The following SI variants were observed in gnomAD, a reference collection of about 807,000 sequenced individuals.
SI encodes the protein sucrase-isomaltase, intestinal.
In SI, 235 loss-of-function variants were observed where a neutral mutation model predicts 253.3. That is an observed-to-expected ratio of 0.93 (90% CI 0.83 to 1.03). SI has a LOEUF of 1.03. Ranked by LOEUF, SI falls within the 50% of genes least tolerant of loss-of-function variation. The pLI, the probability that SI is intolerant of heterozygous loss-of-function variation, is 0.00. For missense variants in SI, 2,442 were observed against 2,211.1 expected (o/e 1.10, Z -2.09); for synonymous variants, 819 against 712.0 (o/e 1.15, Z -2.39).
chr3:164,996,578 G>A lies in SI; in HGVS notation c.4649C>T (p.Ala1550Val), dbSNP rs1559981755. ...GTGATTCCTTGAGTATGGATAAAATGCTCCAAGTTGCATCCAGCGGGTACA... is the reference window on the plus strand; with the variant it reads ...GTGATTCCTTGAGTATGGATAAAATACTCCAAGTTGCATCCAGCGGGTACA... ...HLCTRWMQLG[A>V]FYPYSRNHNI... Residue 1550 changes from alanine to valine, a missense_variant, in exon 40 of 48, where the codon GCA becomes GTA. Coordinates refer to ENST00000264382, the MANE Select transcript of SI (RefSeq NM_001041.4). 6.2e-7 allele frequency: 1 copy of A among 1,607,566 alleles called. No homozygotes were observed. Among genetic ancestry groups the A allele is most frequent in the Non-Finnish European group, 8.5e-7 (1 of 1,174,756 alleles).
intron 17 of SI, 62 bp downstream of exon 17, chr3:165,042,997 G>A: frequency 1.0e-6 from 1 of 960,436 alleles, no homozygotes; most frequent in Non-Finnish European, 1.7e-6. Context: ...TTTAATTTAA[G>A]TACATTAATA....
At chr3:165,066,055 A>C (rs927659644) in intron 6 of SI, among the ~76,000 whole-genome samples, 2 of 151,928 alleles carry the variant, frequency 1.3e-5, no homozygotes, top group Non-Finnish European at 2.9e-5. Flanking sequence ...GATGGAAACT[A>C]TTTAAGGGGA....
intron 31 of SI, 75 bp from the exon 32 acceptor site, chr3:165,016,155 T>C: frequency 1.1e-5 from 14 of 1,313,594 alleles, no homozygotes; most frequent in Middle Eastern, 1.8e-4. Context: ...ATCATACTTA[T>C]AAAAGTAACA....
chr3:165,074,679 A>C lies in SI; in HGVS notation c.119-12T>G. 6.2e-7 allele frequency: 1 copy of C among 1,601,856 alleles called. No individual in the cohort carries two copies. Among genetic ancestry groups the C allele is most frequent in the Non-Finnish European group, 8.5e-7 (1 of 1,170,006 alleles). On this transcript the variant is annotated splice_polypyrimidine_tract_variant and intron_variant, in intron 2 of 47. Coordinates refer to ENST00000264382, the MANE Select transcript of SI (RefSeq NM_001041.4). ...AGAATCACTAATTTCTGGGGGAGGA[A>C]AAAACTCAATAAAATAAAACATGAC...
chr3:165,076,396 A>G (rs1714974878), intron 1 of SI, among the ~76,000 whole-genome samples: 1 of 141,094 alleles, frequency 7.1e-6, no homozygotes, highest in Non-Finnish European at 1.6e-5. Context: ...CTGTTTCTCA[A>G]TTCTCACAAC....
intron 9 of SI, among the ~76,000 whole-genome samples, chr3:165,060,830 T>C (rs1057138006): frequency 6.8e-6 from 1 of 146,662 alleles, no homozygotes; most frequent in Admixed American, 6.9e-5. Context: ...ATATATATTA[T>C]ATATATACAT....
At position 164,983,133 on chromosome 3, in the gene SI, T is replaced by G; in HGVS notation, c.5198-82A>C. 3 of 1,343,626 alleles carry G rather than the reference T, an allele frequency of 2.2e-6. No individual in the cohort carries two copies. The South Asian group carries it at 3.7e-5, about 17-fold the overall frequency. The allele number at this position is 1,343,626 out of a possible 1,614,324, so 83.2% of individuals were successfully genotyped here. ...AAATACCTGTATACTTTGCTTCTCT[T>G]TCCCAGTATAAAAAGTAGCAAATAT... On this transcript the variant is annotated intron_variant, in intron 45 of 47. Coordinates refer to ENST00000264382, the MANE Select transcript of SI (RefSeq NM_001041.4).
At chr3:165,013,112 A>T in intron 33 of SI, 70 bp from the exon 34 acceptor site, 1 of 910,010 alleles carries the variant, frequency 1.1e-6, no homozygotes, top group African/African-American at 1.6e-5. Context: ...ATGTAGATGA[A>T]GTGTAATGGA....
intron 10 of SI, 135 bp downstream of exon 10, chr3:165,059,762 ATACTT>A: frequency 1.2e-6 from 1 of 863,296 alleles, no homozygotes; most frequent in East Asian, 2.4e-5. Flanking sequence ...GAGATAAAAT[ATACTT>A]TACAATTAAA....
chr3:164,987,350 A>G (rs975752068), intron 44 of SI, 124 bp from the exon 45 acceptor site: 3 of 740,276 alleles, frequency 4.1e-6, no homozygotes, highest in Non-Finnish European at 7.0e-6. Context: ...ACTGACTTAG[A>G]CTAAGAAAAT....
At chr3:165,012,459 C>T (rs1404934182) in intron 34 of SI, among the ~76,000 whole-genome samples, 6 of 152,014 alleles carry the variant, frequency 3.9e-5, no homozygotes, top group Non-Finnish European at 7.4e-5. Flanking sequence ...GATGGAGTCT[C>T]GCTCTGTCAC....
Position 164,992,305 on chromosome 3 carries a change from G to A in SI, c.4926+8C>T, listed in dbSNP as rs866157937. 3 of 1,611,962 alleles carry A rather than the reference G, an allele frequency of 1.9e-6. No homozygotes were observed. Among genetic ancestry groups the A allele is most frequent in the Non-Finnish European group, 1.7e-6 (2 of 1,178,240 alleles). On this transcript the variant is annotated splice_region_variant and intron_variant, in intron 42 of 47. Transcript: ENST00000264382. ...ATTGTGTAAACAAAAATATGTGGTA[G>A]GACTTACAGGTTCCAGTACTGGGGT...
At chr3:165,088,550 A>G in the SI span, among the ~76,000 whole-genome samples, 2 of 151,962 alleles carry the variant, frequency 1.3e-5, no homozygotes, top group East Asian at 3.9e-4. Context: ...CTGAGGCAGA[A>G]GAATCTCTTG....
At chr3:165,056,380 C>T (rs1560011067) in intron 12 of SI, among the ~76,000 whole-genome samples, 1 of 86,186 alleles carries the variant, frequency 1.2e-5, no homozygotes, top group African/African-American at 3.7e-5. Context: ...AGTGACCATC[C>T]CCCCCTGCAG....
intron 22 of SI, 33 bp downstream of exon 22, chr3:165,036,356 T>C: frequency 7.0e-7 from 1 of 1,427,722 alleles, no homozygotes; most frequent in Non-Finnish European, 9.9e-7. Flanking sequence ...ATTATCAGAG[T>C]GAACATTTAA....
At chr3:164,987,297 C>T (rs1279634825) in intron 44 of SI, 71 bp from the exon 45 acceptor site, 5 of 1,257,786 alleles carry the variant, frequency 4.0e-6, no homozygotes, top group Non-Finnish European at 5.8e-6. Flanking sequence ...ATATGACATC[C>T]ACATAAGGAT....
rs755057131 is a variant in SI, at chr3:164,983,101, C to G, written c.5198-50G>C. 5 of 1,498,346 alleles carry G rather than the reference C, an allele frequency of 3.3e-6. No individual in the cohort carries two copies. The African/African-American group carries it at 6.9e-5, about 21-fold the overall frequency. The allele number at this position is 1,498,346 out of a possible 1,614,324, so 92.8% of individuals were successfully genotyped here. A position where few individuals can be genotyped will look rare whatever the true frequency, so the allele number is the denominator to read the frequency against. On this transcript the variant is annotated intron_variant, in intron 45 of 47. Transcript: ENST00000264382. ...ATATATTGTTATTTCCAAAGAAGAA[C>G]CATAGTAAATACCTGTATACTTTGC... is the stretch of plus-strand genomic sequence containing the variant.
At chr3:165,065,010 T>A (rs1282414053) in intron 7 of SI, among the ~76,000 whole-genome samples, 1 of 151,912 alleles carries the variant, frequency 6.6e-6, no homozygotes, top group African/African-American at 2.4e-5. Context: ...TAAAATACGA[T>A]CATGAAAGTC....
chr3:165,050,017 A>G, intron 13 of SI, 142 bp from the exon 14 acceptor site: 1 of 634,486 alleles, frequency 1.6e-6, no homozygotes, highest in Non-Finnish European at 2.9e-6. Flanking sequence ...TAAGCTACCA[A>G]CCTAAAAATA....
Sources: allele counts gnomAD v4.1 joint callset (sites outside exome capture counted in the v4.1 genomes callset), GRCh38; gene constraint gnomAD v4.1.1; transcripts MANE v1.5; gene names NCBI Gene and HGNC (gene_info 2026-07-23, HGNC 2026-07-21).